The following SDK1 variants were observed in gnomAD, a reference collection of about 807,000 sequenced individuals.
SDK1 encodes sidekick cell adhesion molecule 1.
A neutral mutation model predicts 245.5 loss-of-function variants in SDK1; 157 were observed. The observed-to-expected ratio is 0.64, with a 90% CI of 0.56 to 0.73. The LOEUF (loss-of-function observed/expected upper bound fraction) is 0.73. Ranked by LOEUF, SDK1 falls within the 30% of genes least tolerant of loss-of-function variation. The probability of loss-of-function intolerance (pLI) is 0.00; values close to 1 mark genes in which losing one functional copy is unlikely to be tolerated. For synonymous variants in SDK1, 1,647 were observed against 1,278.5 expected (o/e 1.29, Z -6.15); for missense variants, 3,583 against 3,002.3 (o/e 1.19, Z -4.52).
chr7:3,562,934 G>T (rs1392214727), intron 1 of SDK1, among the ~76,000 whole-genome samples: 1 of 101,388 alleles, frequency 9.9e-6, no homozygotes, highest in Non-Finnish European at 2.1e-5. Context: ...AGGTAAGGGG[G>T]ATCAAGTCCC....
chr7:3,470,978 C>T (rs138903656), intron 1 of SDK1, among the ~76,000 whole-genome samples: 51 of 152,104 alleles, frequency 3.4e-4, no homozygotes, highest in African/African-American at 1.1e-3. Context: ...AAACAAGTAT[C>T]TTTCTTTCCT....
chr7:4,066,011 G>T lies in SDK1; in HGVS notation c.2912-1827G>T, dbSNP rs887128207. Reference sequence around the variant, plus strand: ...GATTTGAATGTGGCGCCATCCAGCAGGTTCACTAGGGGAGTCGTGTGGTGT... The same window carrying T: ...GATTTGAATGTGGCGCCATCCAGCATGTTCACTAGGGGAGTCGTGTGGTGT... On this transcript the variant is annotated intron_variant, in intron 19 of 44. Transcript: ENST00000404826. Among the ~76,000 whole-genome samples the T allele has an allele frequency of 2.6e-5, 4 of 152,100 alleles. No homozygotes were observed. The East Asian group carries it at 5.8e-4, about 22-fold the overall frequency.
At chr7:4,217,480 G>GCCACCCGGAGAACCACA (rs1784888698) in intron 38 of SDK1, among the ~76,000 whole-genome samples, 3 of 71,892 alleles carry the variant, frequency 4.2e-5, no homozygotes, top group Non-Finnish European at 7.7e-5. Context: ...GGAGCACCAG[G>GCCACCCGGAGAACCACA]CCACCCGGAG....
At chr7:4,088,587 T>G (rs1454084264) in intron 22 of SDK1, among the ~76,000 whole-genome samples, 1 of 152,172 alleles carries the variant, frequency 6.6e-6, no homozygotes, top group Non-Finnish European at 1.5e-5. Context: ...ATAAATTTAA[T>G]TGCATCAGAC....
intron 4 of SDK1, among the ~76,000 whole-genome samples, chr7:3,820,739 C>G (rs1456719446): frequency 6.6e-6 from 1 of 152,168 alleles, no homozygotes; most frequent in Non-Finnish European, 1.5e-5. Context: ...CTTCTGTGAG[C>G]CTCAGTGGCG....
rs768186449 is a variant in SDK1, at chr7:4,241,874, T to G, written c.6212T>G (p.Leu2071Arg). Residue 2071 changes from leucine to arginine, a missense_variant, in exon 43 of 45, where the codon CTC becomes CGC. By Grantham distance (102) the Leu-to-Arg change is moderately radical. Coordinates refer to ENST00000404826, the MANE Select transcript of SDK1 (RefSeq NM_152744.4). ...FAALELSSRH[L>R]NVKSTFSKKN... ...GCCCTGGAGCTCAGCAGCCGCCACC[T>G]CAATGTCAAGAGCACCTTCTCCAAG... 9.9e-6 allele frequency: 16 copies of G among 1,613,890 alleles called. No homozygotes were observed. The East Asian group carries it at 3.3e-4, about 34-fold the overall frequency.
intron 26 of SDK1, among the ~76,000 whole-genome samples, chr7:4,128,070 C>A (rs550192838): frequency 4.5e-4 from 69 of 152,284 alleles, no homozygotes; most frequent in Non-Finnish European, 4.6e-4. Context: ...TCCACCCCAC[C>A]CCTTTAAAAC....
At chr7:3,755,682 C>G (rs1380852241) in intron 4 of SDK1, among the ~76,000 whole-genome samples, 1 of 152,228 alleles carries the variant, frequency 6.6e-6, no homozygotes, top group East Asian at 1.9e-4. Context: ...CCCCCAACCC[C>G]TCACCCCAAA....
intron 1 of SDK1, among the ~76,000 whole-genome samples, chr7:3,617,865 G>C (rs1040868209): frequency 1.3e-5 from 2 of 152,140 alleles, no homozygotes; most frequent in African/African-American, 4.8e-5. Flanking sequence ...GAGTTTTGGA[G>C]GGGACATTCA....
At chr7:3,855,314 C>CA (rs1780518498) in intron 5 of SDK1, among the ~76,000 whole-genome samples, 1 of 151,704 alleles carries the variant, frequency 6.6e-6, no homozygotes, top group African/African-American at 2.4e-5. Context: ...ACCCACTCAA[C>CA]AAAAAATACT....
At chr7:3,764,443 T>C (rs1780193575) in intron 4 of SDK1, among the ~76,000 whole-genome samples, 1 of 152,172 alleles carries the variant, frequency 6.6e-6, no homozygotes, top group South Asian at 2.1e-4. Flanking sequence ...CCCAACACTT[T>C]GGGAGGCCGA....
rs147376825 is a variant in SDK1 at position 3,613,977 on chromosome 7, G to A, written c.299-5103G>A. 3.6e-3 allele frequency among the ~76,000 whole-genome samples: 550 copies of A among 152,284 alleles called. 3 individuals are homozygous for A. Among genetic ancestry groups the A allele is most frequent in the Non-Finnish European group, 6.0e-3 (411 of 68,028 alleles). ...AACACACATTGAGTCCTGTTGGAGCGTGGAGGATGAGAGCGGGGAGAGGAT... is the reference window on the plus strand; with the variant it reads ...AACACACATTGAGTCCTGTTGGAGCATGGAGGATGAGAGCGGGGAGAGGAT... On this transcript the variant is annotated intron_variant, in intron 1 of 44. Coordinates refer to ENST00000404826, the MANE Select transcript of SDK1 (RefSeq NM_152744.4).
chr7:3,839,185 C>T (rs1780098161), intron 5 of SDK1, among the ~76,000 whole-genome samples: 2 of 152,200 alleles, frequency 1.3e-5, no homozygotes, highest in Non-Finnish European at 2.9e-5. Flanking sequence ...TTTTCTCCCT[C>T]CTTGCAAGGG....
intron 1 of SDK1, among the ~76,000 whole-genome samples, chr7:3,485,497 G>A (rs1781657277): frequency 6.6e-6 from 1 of 152,034 alleles, no homozygotes; most frequent in African/African-American, 2.4e-5. Context: ...GTGCTGCCTG[G>A]GGATGAGGTA....
chr7:4,005,149 G>A (rs1219951417), intron 14 of SDK1, among the ~76,000 whole-genome samples: 7 of 145,550 alleles, frequency 4.8e-5, no homozygotes, highest in East Asian at 2.0e-4. Context: ...GGGTTCAAGC[G>A]ATTCTCCTGC....
chr7:4,067,845 A>C lies in SDK1; in HGVS notation c.2919A>C (p.Gly973=). The C allele has an allele frequency of 1.2e-6, 2 of 1,612,166 alleles. No individual in the cohort carries two copies. The highest frequency in any genetic ancestry group is 1.7e-6 in the Non-Finnish European group (2 of 1,179,018). ...TTTGCTTTTAATTGGTAGAACCAGG[A>C]GCTGTGGGACATCTGAGTTTCACAG... ...QLVWTQEDKP[G]AVGHLSFTEI... The change falls in exon 20 of 45, where the codon GGA becomes GGC. Residue 973 remains glycine, a synonymous_variant. Coordinates refer to ENST00000404826, the MANE Select transcript of SDK1 (RefSeq NM_152744.4).
At chr7:3,996,108 C>T (rs1421490048) in intron 14 of SDK1, among the ~76,000 whole-genome samples, 2 of 152,094 alleles carry the variant, frequency 1.3e-5, no homozygotes, top group Non-Finnish European at 2.9e-5. Context: ...TGGCACACTA[C>T]TTTTCCTTTC....
intron 1 of SDK1, among the ~76,000 whole-genome samples, chr7:3,373,348 T>C (rs1040522005): frequency 7.9e-5 from 12 of 152,186 alleles, no homozygotes; most frequent in Non-Finnish European, 2.9e-5. Flanking sequence ...CATTGCAAAG[T>C]TGAAAAATTG....
chr7:3,896,702 G>A (rs918550241), intron 5 of SDK1, among the ~76,000 whole-genome samples: 62 of 152,152 alleles, frequency 4.1e-4, no homozygotes, highest in African/African-American at 1.2e-3. Context: ...GTCAGAAATC[G>A]CTGCTTCACA....
Sources: gnomAD v4.1 joint callset for allele counts (sites outside exome capture counted in the v4.1 genomes callset) on GRCh38, gnomAD v4.1.1 for gene constraint, MANE v1.5 for transcripts, NCBI Gene and HGNC (gene_info 2026-07-23, HGNC 2026-07-21) for gene names.